CCDC125: variants seen among roughly 807,000 people sequenced by gnomAD.
CCDC125 encodes coiled-coil domain-containing protein 125.
CCDC125 carries 43 observed loss-of-function variants against 57.4 expected under a neutral mutation model. That is an observed-to-expected ratio of 0.75 (90% CI 0.59 to 0.97). CCDC125 has a LOEUF of 0.97. Ranked by LOEUF, CCDC125 falls within the 50% of genes least tolerant of loss-of-function variation. The probability of loss-of-function intolerance (pLI) is 0.00; values close to 1 mark genes in which losing one functional copy is unlikely to be tolerated. For synonymous variants in CCDC125, 187 were observed against 195.2 expected (o/e 0.96, Z 0.35); for missense variants, 563 against 595.7 (o/e 0.95, Z 0.57).
At chr5:69,289,450 T>C (rs574500718) in intron 10 of CCDC125, among the ~76,000 whole-genome samples, 3 of 152,328 alleles carry the variant, frequency 2.0e-5, no homozygotes, top group South Asian at 2.1e-4. Flanking sequence ...ATGTTAGCTT[T>C]TTCCCTGGCA....
At chr5:69,308,133 T>C (rs1757627726) in intron 4 of CCDC125, 105 bp from the exon 5 acceptor site, 2 of 814,064 alleles carry the variant, frequency 2.5e-6, no homozygotes, top group East Asian at 2.6e-5. Flanking sequence ...TTAAGATGAA[T>C]TGACATAAGA....
rs561328353 is a variant in CCDC125 at position 69,285,944 on chromosome 5, G to A, written c.1100-477C>T. 1.3e-4 allele frequency among the ~76,000 whole-genome samples: 19 copies of A among 151,920 alleles called. No individual in the cohort carries two copies. The East Asian group carries it at 1.9e-3, about 16-fold the overall frequency. ...AGCCACTTACTAACTGTATGACCTC[G>A]GGTGACTTTTCTCAGCTTGATTTCC... is the stretch of plus-strand genomic sequence containing the variant. On this transcript the variant is annotated intron_variant, in intron 10 of 11. Coordinates refer to ENST00000396496, the MANE Select transcript of CCDC125 (RefSeq NM_176816.5).
chr5:69,330,154 C>A (rs1444312146), intron 1 of CCDC125, among the ~76,000 whole-genome samples: 1 of 152,186 alleles, frequency 6.6e-6, no homozygotes, highest in Non-Finnish European at 1.5e-5. Context: ...GATCCTCCTC[C>A]TTCCCTGACT....
chr5:69,292,261 T>C lies in CCDC125; in HGVS notation c.1026A>G (p.Leu342=), dbSNP rs563307805. The C allele has an allele frequency of 1.2e-5, 19 of 1,613,724 alleles. No individual in the cohort carries two copies. Among genetic ancestry groups the C allele is most frequent in the Non-Finnish European group, 1.6e-5 (19 of 1,179,862 alleles). The part of the protein sequence containing the change: ...QQLMRKNDQA[L]QLTQMDKMHK... ...GCATTTTATCCATTTGTGTCAATTG[T>C]AGTGCCTGGTCATTTTTTCTCATTA... The change falls in exon 10 of 12, where the codon CTA becomes CTG. Residue 342 remains leucine, a synonymous_variant. Transcript: ENST00000396496.
intron 10 of CCDC125, among the ~76,000 whole-genome samples, chr5:69,291,059 TAAG>T (rs1402860747): frequency 1.3e-5 from 2 of 152,230 alleles, no homozygotes; most frequent in Non-Finnish European, 2.9e-5. Flanking sequence ...ATCTGACAGA[TAAG>T]AAAATATTTA....
intron 3 of CCDC125, among the ~76,000 whole-genome samples, chr5:69,312,909 C>G (rs1758389999): frequency 6.6e-6 from 1 of 152,036 alleles, no homozygotes; most frequent in Admixed American, 6.6e-5. Flanking sequence ...CCATGAGTAG[C>G]AGTGACCAGG....
intron 2 of CCDC125, 140 bp from the exon 3 acceptor site, chr5:69,314,186 C>T (rs140985842): frequency 0.014 from 8,267 of 605,698 alleles, 124 homozygotes; most frequent in Non-Finnish European, 0.016. Context: ...AATAGAACAC[C>T]AGGTGCGGTG....
At chr5:69,308,701 CA>C in intron 4 of CCDC125, 1 of 169,194 alleles carries the variant, frequency 5.9e-6, no homozygotes, top group South Asian at 1.7e-4. Context: ...AAAAGATACC[CA>C]AAAATGTGGA....
intron 10 of CCDC125, among the ~76,000 whole-genome samples, chr5:69,290,629 CTTTTTTT>C (rs373663120): frequency 4.2e-5 from 5 of 117,778 alleles, no homozygotes; most frequent in African/African-American, 9.9e-5. Context: ...TCTTTTTTTT[CTTTTTTT>C]TTTTTTTTTG....
chr5:69,301,883 T>A (rs1756510503), intron 7 of CCDC125, among the ~76,000 whole-genome samples: 2 of 149,326 alleles, frequency 1.3e-5, no homozygotes, highest in South Asian at 4.3e-4. Flanking sequence ...GGCGACAGAG[T>A]GAGATTCTGT....
intron 1 of CCDC125, among the ~76,000 whole-genome samples, chr5:69,329,497 G>A (rs1761147504): frequency 8.7e-6 from 1 of 114,298 alleles, no homozygotes; most frequent in Non-Finnish European, 1.9e-5. Flanking sequence ...CAGGATTCAA[G>A]TCTTTTTTTT....
chr5:69,307,379 AT>A (rs949244835), intron 5 of CCDC125, among the ~76,000 whole-genome samples: 15 of 151,002 alleles, frequency 9.9e-5, no homozygotes, highest in East Asian at 5.8e-4. Flanking sequence ...AAAAAAAAAA[AT>A]TTTTTTTAAG....
At chr5:69,313,834 C>T in intron 3 of CCDC125, 151 bp downstream of exon 3, 1 of 845,680 alleles carries the variant, frequency 1.2e-6, no homozygotes, top group Non-Finnish European at 2.1e-6. Context: ...CGTTGAACAC[C>T]TTGATGACAC....
intron 2 of CCDC125, among the ~76,000 whole-genome samples, chr5:69,315,438 AAAAAAAAAAAAC>A (rs1156288441): frequency 0.02 from 215 of 10,848 alleles, 5 homozygotes; most frequent in African/African-American, 0.031. Flanking sequence ...ATTCTGTCTC[AAAAAAAAAAAAC>A]AAAAAAAAAA....
At chr5:69,275,533 A>C (rs1752027235), downstream of CCDC125, among the ~76,000 whole-genome samples, 1 of 152,182 alleles carries the variant, frequency 6.6e-6, no homozygotes, top group South Asian at 2.1e-4. Flanking sequence ...CTTAATCCAA[A>C]TATCCGAAAT....
Position 69,306,875 on chromosome 5 carries a change from C to A in CCDC125, c.559G>T (p.Glu187Ter). ...TTTTTAAATCTATTATGATCAAATT[C>A]TATTTCCCACTGCAAGGCATTTATT... ...KEINALQWEI[E>*]FDHNRFKNIE... The change falls in exon 6 of 12, where the codon GAA (glutamate) becomes TAA (stop). Residue 187 changes from glutamate to a stop codon, truncating the protein, a stop_gained. Transcript: ENST00000396496. LOFTEE classifies it high-confidence loss of function. 6.6e-7 allele frequency: 1 copy of A among 1,520,122 alleles called. No homozygotes were observed. The highest frequency in any genetic ancestry group is 8.8e-7 in the Non-Finnish European group (1 of 1,139,350). 94.2% of individuals were successfully genotyped at this position (1,520,122 alleles called of 1,614,324 possible).
chr5:69,320,501 G>A lies in CCDC125; in HGVS notation c.40C>T (p.Gln14Ter), dbSNP rs368100129. The change falls in exon 2 of 12, where the codon CAG (glutamine) becomes TAG (stop). Residue 14 changes from glutamine to a stop codon, truncating the protein, a stop_gained. Coordinates refer to ENST00000396496, the MANE Select transcript of CCDC125 (RefSeq NM_176816.5). LOFTEE classifies it high-confidence loss of function. Reference protein sequence around the residue: ...VARSSSESDVQLWETEEDDMT... With the variant: ...VARSSSESDV The stretch of plus-strand genomic sequence containing the variant: ...TCATCCTCTTCTGTTTCCCAGAGCT[G>A]CACGTCTGACTCACTTGATGATCTT... 1.7e-5 allele frequency: 27 copies of A among 1,613,134 alleles called. No individual in the cohort carries two copies. The highest frequency in any genetic ancestry group is 1.6e-4 in the Middle Eastern group (1 of 6,080).
intron 2 of CCDC125, 142 bp downstream of exon 2, chr5:69,320,095 C>T: frequency 1.2e-6 from 1 of 825,738 alleles, no homozygotes; most frequent in Non-Finnish European, 1.9e-6. Context: ...TGCACTCCAG[C>T]CTGGGTGACA....
At position 69,294,794 on chromosome 5, in the gene CCDC125, T is replaced by C. The variant is rs1435939717; in HGVS notation, c.923A>G (p.Glu308Gly). Residue 308 changes from glutamate (E) to glycine (G), a missense_variant and splice_region_variant, in exon 9 of 12, where the codon GAG (glutamate) becomes GGG (glycine). By Grantham distance (98) the Glu-to-Gly change is moderately conservative. Transcript: ENST00000396496. Reference protein sequence around the residue: ...TRKLLLQLKQELEILQKSKEE... With the variant: ...TRKLLLQLKQGLEILQKSKEE... ...TTTGCTGTTGTGATAACGCAATACC[T>C]CTTGTTTGAGCTGAAGAAGCAGTTT... is the stretch of plus-strand genomic sequence containing the variant. 2 of 1,610,620 alleles carry C rather than the reference T, an allele frequency of 1.2e-6. No homozygotes were observed. Among genetic ancestry groups the C allele is most frequent in the Non-Finnish European group, 1.7e-6 (2 of 1,176,918 alleles).
Sources: gnomAD v4.1 joint callset for allele counts (sites outside exome capture counted in the v4.1 genomes callset) on GRCh38, gnomAD v4.1.1 for gene constraint, MANE v1.5 for transcripts, NCBI Gene and HGNC (gene_info 2026-07-23, HGNC 2026-07-21) for gene names.